ABCA13: variants seen among roughly 807,000 people sequenced by gnomAD.
ABCA13 encodes ATP-binding cassette sub-family A member 13.
ABCA13 carries 476 observed loss-of-function variants against 478.7 expected under a neutral mutation model. The observed-to-expected ratio is 0.99, with a 90% CI of 0.92 to 1.07. The LOEUF (loss-of-function observed/expected upper bound fraction) is 1.07, where lower values mean the gene tolerates loss of function less well. Among genes scored for constraint, ABCA13 ranks in the 50% least tolerant of loss-of-function variants. The pLI is 0.00. For missense variants in ABCA13, 6,060 were observed against 5,910.6 expected, an observed-to-expected ratio of 1.03 and a Z score of -0.83; for synonymous variants, 2,252 against 2,158.9, an observed-to-expected ratio of 1.04 and a Z score of -1.20.
intron 42 of ABCA13, among the ~76,000 whole-genome samples, chr7:48,446,718 G>C (rs985822184): frequency 6.6e-6 from 1 of 152,130 alleles, no homozygotes; most frequent in Non-Finnish European, 1.5e-5. Flanking sequence ...GCTTAACCAT[G>C]ATGCTAATCC....
At chr7:48,610,546 G>A (rs1044232532) in intron 58 of ABCA13, among the ~76,000 whole-genome samples, 1 of 152,212 alleles carries the variant, frequency 6.6e-6, no homozygotes, top group Non-Finnish European at 1.5e-5. Flanking sequence ...GCCCCAGTGG[G>A]GACTCTGTGT....
chr7:48,210,193 T>C (rs573174423), intron 3 of ABCA13, among the ~76,000 whole-genome samples: 4 of 152,116 alleles, frequency 2.6e-5, no homozygotes, highest in Non-Finnish European at 5.9e-5. Flanking sequence ...GCAAACATGT[T>C]CTTCACATGG....
intron 6 of ABCA13, among the ~76,000 whole-genome samples, chr7:48,229,552 A>G (rs763227573): frequency 6.6e-5 from 10 of 152,258 alleles, no homozygotes; most frequent in Non-Finnish European, 1.0e-4. Flanking sequence ...GGCAGAGCCA[A>G]TGCAAACTTG....
intron 55 of ABCA13, among the ~76,000 whole-genome samples, chr7:48,558,559 A>C (rs1026824972): frequency 1.3e-5 from 2 of 152,042 alleles, no homozygotes; most frequent in African/African-American, 4.8e-5. Context: ...TGGCCTCCCA[A>C]AGTGCTGGGA....
Position 48,274,479 on chromosome 7 carries a change from G to A in ABCA13, c.4813G>A (p.Ala1605Thr). 6.2e-7 allele frequency: 1 copy of A among 1,613,828 alleles called. No individual in the cohort carries two copies. Among genetic ancestry groups the A allele is most frequent in the Non-Finnish European group, 8.5e-7 (1 of 1,179,834 alleles). Residue 1605 changes from alanine (A) to threonine (T), a missense_variant, in exon 17 of 62, where the codon GCC (alanine) becomes ACC (threonine). Physicochemically the swap from Ala to Thr is moderately conservative, Grantham distance 58. Transcript: ENST00000435803. ...NSIYHLASYL[A>T]FSLSHDLQNS... ...CATTTATCACTTAGCTAGTTACCTT[G>A]CCTTCAGCTTATCTCATGACCTCCA...
At chr7:48,522,835 G>C (rs1429526615) in intron 53 of ABCA13, among the ~76,000 whole-genome samples, 6 of 152,226 alleles carry the variant, frequency 3.9e-5, no homozygotes, top group Admixed American at 3.3e-4. Context: ...CTCCTGAGGA[G>C]AGAATGAGCA....
chr7:48,327,233 T>C (rs779526953), intron 27 of ABCA13, among the ~76,000 whole-genome samples: 2 of 152,154 alleles, frequency 1.3e-5, no homozygotes, highest in Non-Finnish European at 2.9e-5. Context: ...TATTGGAAGG[T>C]ACCTTTTCAC....
At chr7:48,268,532 C>T (rs935190825) in intron 15 of ABCA13, among the ~76,000 whole-genome samples, 21 of 152,152 alleles carry the variant, frequency 1.4e-4, no homozygotes, top group African/African-American at 4.6e-4. Context: ...GATTATTACT[C>T]ATCTGAATAC....
intron 55 of ABCA13, among the ~76,000 whole-genome samples, chr7:48,563,616 A>G (rs1786687371): frequency 6.6e-6 from 1 of 152,108 alleles, no homozygotes; most frequent in Non-Finnish European, 1.5e-5. Flanking sequence ...AGTCTCATAG[A>G]GGAAGGGCAA....
chr7:48,216,349 T>C (rs1055886620), intron 3 of ABCA13, among the ~76,000 whole-genome samples: 2 of 152,194 alleles, frequency 1.3e-5, no homozygotes, highest in Non-Finnish European at 2.9e-5. Context: ...GTTTATGATG[T>C]TGACAATCTT....
chr7:48,471,433 G>A (rs1827482270), intron 44 of ABCA13, 97 bp from the exon 45 acceptor site: 5 of 1,113,570 alleles, frequency 4.5e-6, no homozygotes, highest in Middle Eastern at 2.3e-4. Context: ...TGATTATCTT[G>A]TGAACTCTGT....
rs750123071 is a variant in ABCA13 at position 48,278,871 on chromosome 7, T to A, written c.7677T>A (p.Tyr2559Ter). The part of the protein sequence containing the change: ...KDSVKFFDTL[Y>*]SIMQQSVQNL... ...GTGTGAAATTCTTTGACACTCTGTA[T>A]TCCATCATGCAACAAAGTGTTCAAA... is the stretch of plus-strand genomic sequence containing the variant. The change falls in exon 18 of 62, where the codon TAT (tyrosine) becomes TAA (stop). Residue 2559 changes from tyrosine to a stop codon, truncating the protein, a stop_gained. Coordinates refer to ENST00000435803, the MANE Select transcript of ABCA13 (RefSeq NM_152701.5). LOFTEE classifies it high-confidence loss of function. The A allele has an allele frequency of 3.1e-6, 5 of 1,613,374 alleles. No individual in the cohort carries two copies. Among genetic ancestry groups the A allele is most frequent in the African/African-American group, 1.3e-5 (1 of 74,934 alleles).
intron 59 of ABCA13, among the ~76,000 whole-genome samples, chr7:48,621,541 C>T (rs923373905): frequency 6.6e-6 from 1 of 152,066 alleles, no homozygotes; most frequent in South Asian, 2.1e-4. Flanking sequence ...TTTTAGTTCA[C>T]CAGGAGGTTT....
intron 41 of ABCA13, among the ~76,000 whole-genome samples, chr7:48,419,445 A>G (rs550455767): frequency 3.1e-4 from 47 of 152,206 alleles, no homozygotes; most frequent in Non-Finnish European, 6.8e-4. Context: ...AAAATTCACT[A>G]TGAGTTTGAC....
At position 48,528,303 on chromosome 7, in the gene ABCA13, T is replaced by A. The variant is rs1389952921; in HGVS notation, c.14312T>A (p.Val4771Asp). The change falls in exon 55 of 62, where the codon GTT becomes GAT. Residue 4771 changes from valine (V) to aspartate (D), a missense_variant. By Grantham distance (152) the Val-to-Asp change is radical. Coordinates refer to ENST00000435803, the MANE Select transcript of ABCA13 (RefSeq NM_152701.5). ...STTFKMLNGE[V>D]SLTSGHAIIR... is the part of the protein sequence containing the mutation. ...ACTTTCAAAATGCTGAATGGTGAAG[T>A]TTCTCTAACTTCAGGACATGCTATC... The A allele has an allele frequency of 6.4e-7, 1 of 1,574,320 alleles. No homozygotes were observed. Among genetic ancestry groups the A allele is most frequent in the African/African-American group, 1.3e-5 (1 of 74,200 alleles).
At chr7:48,615,448 G>A in intron 59 of ABCA13, 71 bp downstream of exon 59, 1 of 1,392,674 alleles carries the variant, frequency 7.2e-7, no homozygotes, top group Non-Finnish European at 9.9e-7. Context: ...GTTATGACTG[G>A]AGATGCTTTA....
At chr7:48,174,758 G>T (rs926463478) in intron 1 of ABCA13, among the ~76,000 whole-genome samples, 3 of 152,014 alleles carry the variant, frequency 2.0e-5, no homozygotes, top group Non-Finnish European at 4.4e-5. Context: ...ATATTTTTAC[G>T]TAATTAAAGT....
Position 48,352,327 on chromosome 7 carries a change from C to T in ABCA13, c.10528C>T (p.Pro3510Ser). 1 of 1,613,798 alleles carries T rather than the reference C, an allele frequency of 6.2e-7. No individual in the cohort carries two copies. The highest frequency in any genetic ancestry group is 8.5e-7 in the Non-Finnish European group (1 of 1,179,882). ...AAAAAACCCTTCTTGGAAGTTCCAC[C>T]CTCAGAATCTACCAGCTGATGGGTT... ...VVKNPSWKFH[P>S]QNLPADGFKY... The change falls in exon 31 of 62, where the codon CCT (proline) becomes TCT (serine). Residue 3510 changes from proline (P) to serine (S), a missense_variant. Pro to Ser is a moderately conservative substitution (Grantham distance 74, BLOSUM62 -1). This residue lies in a region of ABCA13 where 4,423 missense variants were observed against 4,309.1 expected (regional missense o/e 1.03). Transcript: ENST00000435803.
chr7:48,214,900 C>A (rs1230324928), intron 3 of ABCA13, among the ~76,000 whole-genome samples: 5 of 152,194 alleles, frequency 3.3e-5, no homozygotes, highest in Non-Finnish European at 7.4e-5. Context: ...AGAACCTTTT[C>A]TTTGCATTCA....
Sources: gnomAD v4.1 joint callset for allele counts (sites outside exome capture counted in the v4.1 genomes callset) on GRCh38, gnomAD v4.1.1 for gene constraint, gnomAD v4.1.1 regional missense constraint, MANE v1.5 for transcripts, NCBI Gene and HGNC (gene_info 2026-07-23, HGNC 2026-07-21) for gene names.